Variants in PANX1 observed in about 807,000 individuals in gnomAD.
PANX1 encodes pannexin-1.
A neutral mutation model predicts 38.7 loss-of-function variants in PANX1; 30 were observed. The ratio of observed to expected loss-of-function variants is 0.78; its 90% CI spans 0.58 to 1.05. The LOEUF is 1.05. Ranked by LOEUF, PANX1 falls within the 50% of genes least tolerant of loss-of-function variation. The pLI is 0.00. For synonymous variants in PANX1, 230 were observed against 212.2 expected (o/e 1.08, Z -0.73); for missense variants, 551 against 517.2 (o/e 1.07, Z -0.63).
At chr11:94,150,446 C>T (rs990925458) in intron 1 of PANX1, among the ~76,000 whole-genome samples, 5 of 152,176 alleles carry the variant, frequency 3.3e-5, no homozygotes, top group African/African-American at 9.7e-5. Context: ...AACGTGTTTA[C>T]CTCCCAATAT....
chr11:94,131,727 A>C (rs2134470274), intron 1 of PANX1, among the ~76,000 whole-genome samples: 1 of 152,328 alleles, frequency 6.6e-6, no homozygotes, highest in South Asian at 2.1e-4. Flanking sequence ...TTTAGATAAA[A>C]CCAGAAGAAG....
intron 1 of PANX1, among the ~76,000 whole-genome samples, chr11:94,149,607 T>G (rs1171840536): frequency 2.0e-5 from 3 of 152,238 alleles, no homozygotes; most frequent in Non-Finnish European, 1.5e-5. Flanking sequence ...TATTCTTTGT[T>G]GTTCTTGGCA....
At chr11:94,165,021 A>G (rs1405544491) in intron 2 of PANX1, among the ~76,000 whole-genome samples, 1 of 152,018 alleles carries the variant, frequency 6.6e-6, no homozygotes, top group East Asian at 1.9e-4. Flanking sequence ...TTCTGTTTGC[A>G]TGGAATATAT....
At chr11:94,160,203 G>C (rs1336837663) in intron 2 of PANX1, among the ~76,000 whole-genome samples, 2 of 152,176 alleles carry the variant, frequency 1.3e-5, no homozygotes, top group African/African-American at 2.4e-5. Flanking sequence ...TGTATATTCT[G>C]TTGATTTGGG....
At chr11:94,151,147 T>G (rs1443691850) in intron 1 of PANX1, among the ~76,000 whole-genome samples, 1 of 152,186 alleles carries the variant, frequency 6.6e-6, no homozygotes, top group East Asian at 1.9e-4. Flanking sequence ...CTAGTGAATA[T>G]GAGTTGGCCA....
At chr11:94,166,061 T>TC (rs1947098768) in intron 2 of PANX1, among the ~76,000 whole-genome samples, 1 of 152,026 alleles carries the variant, frequency 6.6e-6, no homozygotes, top group South Asian at 2.1e-4. Flanking sequence ...TTTAACTTCA[T>TC]CCCCCCCTCG....
chr11:94,129,204 G>A lies in PANX1; in HGVS notation c.-109G>A, dbSNP rs1445262749. The A allele has an allele frequency of 1.1e-6, 1 of 899,874 alleles. No homozygotes were observed. Among genetic ancestry groups the A allele is most frequent in the Non-Finnish European group, 1.7e-6 (1 of 600,372 alleles). 55.7% of individuals were successfully genotyped at this position (899,874 alleles called of 1,614,324 possible). On this transcript the variant is annotated 5_prime_UTR_variant, in exon 1 of 5. Coordinates refer to ENST00000227638, the MANE Select transcript of PANX1 (RefSeq NM_015368.4). ...CAGGCGGGATGCGGGAGCAGGCAAA[G>A]GGAAAGCGAAAGCCGCGCGCCCGGC...
intron 2 of PANX1, among the ~76,000 whole-genome samples, chr11:94,156,920 C>G (rs11020660): frequency 0.48 from 71,861 of 151,156 alleles, 17,302 homozygotes; most frequent in Admixed American, 0.58. Flanking sequence ...TGTTCCCCTT[C>G]CTGTGTCCAT....
At chr11:94,160,270 C>A (rs1947009310) in intron 2 of PANX1, among the ~76,000 whole-genome samples, 1 of 152,126 alleles carries the variant, frequency 6.6e-6, no homozygotes. Flanking sequence ...GAGTTCAATT[C>A]CTGGATATCC....
At chr11:94,158,898 C>A (rs866412035) in intron 2 of PANX1, among the ~76,000 whole-genome samples, 1 of 152,098 alleles carries the variant, frequency 6.6e-6, no homozygotes. Context: ...TCATAGATAG[C>A]TCTTATTATT....
chr11:94,129,575 T>C, intron 1 of PANX1, 82 bp downstream of exon 1: 1 of 1,272,582 alleles, frequency 7.9e-7, no homozygotes. Flanking sequence ...CAGGCCCGAG[T>C]CTGGGTACGC....
Position 94,129,183 on chromosome 11 carries a change from C to G in PANX1, c.-130C>G, listed in dbSNP as rs146477497. The G allele has an allele frequency of 1.5e-6, 1 of 664,610 alleles. No individual in the cohort carries two copies. Among genetic ancestry groups the G allele is most frequent in the Non-Finnish European group, 2.4e-6 (1 of 410,900 alleles). 41.2% of individuals were successfully genotyped at this position (664,610 alleles called of 1,614,324 possible). ...TGAGGCACCGAGACACAAAGGCAGG[C>G]GGGATGCGGGAGCAGGCAAAGGGAA... On this transcript the variant is annotated 5_prime_UTR_variant, in exon 1 of 5. Coordinates refer to ENST00000227638, the MANE Select transcript of PANX1 (RefSeq NM_015368.4).
Position 94,139,510 on chromosome 11 carries a change from G to T in PANX1, c.181+10017G>T, listed in dbSNP as rs1414779524. Among the ~76,000 whole-genome samples, 14 of 152,270 alleles carry T rather than the reference G, an allele frequency of 9.2e-5. No homozygotes were observed. In the East Asian group the frequency reaches 2.7e-3, roughly 29 times the overall value. ...ATAATAAATATTTATTTGGTCTTTG[G>T]TTTCCCAGCACTCTGCTGATGAGGT... On this transcript the variant is annotated intron_variant, in intron 1 of 4. Coordinates refer to ENST00000227638, the MANE Select transcript of PANX1 (RefSeq NM_015368.4).
chr11:94,143,593 A>C (rs950354539), intron 1 of PANX1, among the ~76,000 whole-genome samples: 1 of 152,174 alleles, frequency 6.6e-6, no homozygotes, highest in Admixed American at 6.5e-5. Flanking sequence ...AGGTTAAGTA[A>C]GTTGCTGGGA....
chr11:94,173,121 G>C (rs555960666), intron 2 of PANX1, among the ~76,000 whole-genome samples: 14 of 151,916 alleles, frequency 9.2e-5, no homozygotes, highest in Admixed American at 6.5e-4. Context: ...CATATAGCCA[G>C]AACAGACATC....
At position 94,181,169 on chromosome 11, in the gene PANX1, G is replaced by C. The variant is rs1302233194; in HGVS notation, c.*300G>C. ...ACAATTAGTCAAGAGCAGTAGCCCT[G>C]TCAGAGCCTCGGAGCAATACCTTTC... On this transcript the variant is annotated 3_prime_UTR_variant, in exon 5 of 5. Transcript: ENST00000227638. 1 of 313,740 alleles carries C rather than the reference G, an allele frequency of 3.2e-6. No homozygotes were observed. The highest frequency in any genetic ancestry group is 5.5e-5 in the East Asian group (1 of 18,300). The allele number at this position is 313,740 out of a possible 1,614,324, so 19.4% of individuals were successfully genotyped here.
chr11:94,131,729 CAGA>C (rs1946631761), intron 1 of PANX1, among the ~76,000 whole-genome samples: 1 of 152,144 alleles, frequency 6.6e-6, no homozygotes, highest in Non-Finnish European at 1.5e-5. Flanking sequence ...TAGATAAAAC[CAGA>C]AGAAGGGCTT....
intron 1 of PANX1, 102 bp downstream of exon 1, chr11:94,129,595 A>C: frequency 9.1e-7 from 1 of 1,094,476 alleles, no homozygotes; most frequent in Non-Finnish European, 1.3e-6. Flanking sequence ...CCCAGCTGTG[A>C]TGGTCGTGAG....
chr11:94,153,994 A>G (rs1946917140), intron 2 of PANX1, among the ~76,000 whole-genome samples: 1 of 152,210 alleles, frequency 6.6e-6, no homozygotes, highest in Non-Finnish European at 1.5e-5. Flanking sequence ...GCTAGGATTC[A>G]TGCATAGCTT....
Sources: allele counts gnomAD v4.1 joint callset (sites outside exome capture counted in the v4.1 genomes callset), GRCh38; gene constraint gnomAD v4.1.1; transcripts MANE v1.5; gene names NCBI Gene and HGNC (gene_info 2026-07-23, HGNC 2026-07-21).